Variants in THAP9 observed in about 807,000 individuals in gnomAD.
THAP9 encodes THAP domain containing 9.
Under a neutral mutation model 35.7 loss-of-function variants are expected in THAP9, and 20 were observed. The ratio of observed to expected loss-of-function variants is 0.56; its 90% CI spans 0.39 to 0.81. The LOEUF is 0.81. THAP9 is among the 40% of genes least tolerant of loss of function. The pLI is 0.00. For missense variants in THAP9, 870 were observed against 1,047.4 expected, an observed-to-expected ratio of 0.83 and a Z score of 2.34; for synonymous variants, 335 against 373.7, an observed-to-expected ratio of 0.90 and a Z score of 1.19.
chr4:82,913,127 G>T (rs1720921920), intron 4 of THAP9: 1 of 151,962 alleles, frequency 6.6e-6, no homozygotes, highest in Non-Finnish European at 1.5e-5. Flanking sequence ...AGATTTAAAG[G>T]AGAAATTGTC....
intron 1 of THAP9, 26 bp from the exon 2 acceptor site, chr4:82,904,710 A>C: frequency 6.2e-7 from 1 of 1,608,020 alleles, no homozygotes; most frequent in Non-Finnish European, 8.5e-7. Context: ...TTTCATGTTA[A>C]TGGAACTTTA....
chr4:82,907,999 A>G (rs1164827322), intron 4 of THAP9, 64 bp downstream of exon 4: 1 of 1,469,044 alleles, frequency 6.8e-7, no homozygotes, highest in Non-Finnish European at 9.4e-7. Context: ...TGTTGATTGC[A>G]TGTTAATTAC....
chr4:82,917,309 TCA>T lies in THAP9; in HGVS notation c.1100_1101del (p.Thr367SerfsTer7). The T allele has an allele frequency of 6.2e-7, 1 of 1,613,980 alleles. No individual in the cohort carries two copies. Among genetic ancestry groups the T allele is most frequent in the Admixed American group, 1.7e-5 (1 of 60,012 alleles). On this transcript the variant is annotated frameshift_variant, in exon 5 of 5. Transcript: ENST00000302236. LOFTEE classifies it high-confidence loss of function. ...ATTGGTAAACTGAGTGACATAGGAA[TCA>T]CAGTTCTGGCTGTTACATCTGATGC...
At chr4:82,913,103 T>C (rs1219492265) in intron 4 of THAP9, 1 of 152,192 alleles carries the variant, frequency 6.6e-6, no homozygotes, top group East Asian at 1.9e-4. Context: ...TTTTTTATTT[T>C]CAGAGACGAA....
intron 4 of THAP9, among the ~76,000 whole-genome samples, chr4:82,911,475 T>A (rs1046895324): frequency 3.3e-5 from 5 of 151,940 alleles, no homozygotes; most frequent in African/African-American, 4.8e-5. Flanking sequence ...GCACCTGTAG[T>A]CCCAGCTACT....
rs768669579 is a variant in THAP9, at chr4:82,906,384, C to G, written c.337C>G (p.Pro113Ala). ...ARQKILKQPL[P>A]DNSQEVATED... ...ACAAAAAATCCTAAAACAACCTCTTCCAGACAATTCTCAAGAAGTTGCTAC... is the reference window on the plus strand; with the variant it reads ...ACAAAAAATCCTAAAACAACCTCTTGCAGACAATTCTCAAGAAGTTGCTAC... The change falls in exon 3 of 5, where the codon CCA becomes GCA. Residue 113 changes from proline (P) to alanine (A), a missense_variant. Physicochemically the swap from Pro to Ala is conservative, Grantham distance 27. Transcript: ENST00000302236. 6.2e-7 allele frequency: 1 copy of G among 1,613,140 alleles called. No homozygotes were observed. Among genetic ancestry groups the G allele is most frequent in the Admixed American group, 1.7e-5 (1 of 59,978 alleles).
chr4:82,916,799 T>C, intron 4 of THAP9, 145 bp from the exon 5 acceptor site: 1 of 503,354 alleles, frequency 2.0e-6, no homozygotes, highest in East Asian at 3.3e-5. Flanking sequence ...GAATTTACCA[T>C]TGAAAATATC....
At chr4:82,910,771 G>A in intron 4 of THAP9, 1 of 456,764 alleles carries the variant, frequency 2.2e-6, no homozygotes, top group Admixed American at 2.4e-5. Flanking sequence ...GTATTTCAAG[G>A]AGGGAGTAGT....
At chr4:82,904,226 G>C (rs566795037) in intron 1 of THAP9, among the ~76,000 whole-genome samples, 1 of 152,046 alleles carries the variant, frequency 6.6e-6, no homozygotes, top group African/African-American at 2.4e-5. Flanking sequence ...ACCACGTCCG[G>C]CTAATTTTTT....
Position 82,906,386 on chromosome 4 carries a change from A to G in THAP9, c.339A>G (p.Pro113=). 6.2e-7 allele frequency: 1 copy of G among 1,613,332 alleles called. No homozygotes were observed. Among genetic ancestry groups the G allele is most frequent in the Non-Finnish European group, 8.5e-7 (1 of 1,179,446 alleles). Residue 113 remains proline, a synonymous_variant, in exon 3 of 5, where the codon CCA becomes CCG. Coordinates refer to ENST00000302236, the MANE Select transcript of THAP9 (RefSeq NM_024672.6). The part of the protein sequence containing the change: ...ARQKILKQPL[P]DNSQEVATED... ...AAAAAATCCTAAAACAACCTCTTCCAGACAATTCTCAAGAAGTTGCTACTG... is the reference window on the plus strand; with the variant it reads ...AAAAAATCCTAAAACAACCTCTTCCGGACAATTCTCAAGAAGTTGCTACTG...
Position 82,918,304 on chromosome 4 carries a change from CATT to C in THAP9, c.2093_2095del (p.His698_Cys699delinsArg), listed in dbSNP as rs1356755027. ...AGAGGGTATTTGTCAAGACTGGTCT[CATT>C]GTTCACTAAGTGAGGCATTACTAGA... On this transcript the variant is annotated inframe_deletion, in exon 5 of 5. Coordinates refer to ENST00000302236, the MANE Select transcript of THAP9 (RefSeq NM_024672.6). 5.6e-6 allele frequency: 9 copies of C among 1,614,074 alleles called. No homozygotes were observed. The highest frequency in any genetic ancestry group is 1.1e-5 in the South Asian group (1 of 91,082).
At chr4:82,905,543 G>GAC (rs1720613559) in intron 2 of THAP9, among the ~76,000 whole-genome samples, 1 of 151,288 alleles carries the variant, frequency 6.6e-6, no homozygotes, top group Non-Finnish European at 1.5e-5. Flanking sequence ...TTAATCGTCA[G>GAC]TCTCCTTCTT....
rs1417791510 is a variant in THAP9, at chr4:82,919,280, T to C, written c.*356T>C. The C allele has an allele frequency of 6.2e-6, 1 of 161,520 alleles. No individual in the cohort carries two copies. Among genetic ancestry groups the C allele is most frequent in the East Asian group, 1.8e-4 (1 of 5,604 alleles). 10.0% of individuals were successfully genotyped at this position (161,520 alleles called of 1,614,324 possible). On this transcript the variant is annotated 3_prime_UTR_variant, in exon 5 of 5. Coordinates refer to ENST00000302236, the MANE Select transcript of THAP9 (RefSeq NM_024672.6). ...ACAACAACTATGAGTTATCAAAATATTGACTCCATTTATGACTAGACTACA... is the reference window on the plus strand; with the variant it reads ...ACAACAACTATGAGTTATCAAAATACTGACTCCATTTATGACTAGACTACA...
intron 1 of THAP9, among the ~76,000 whole-genome samples, chr4:82,902,133 G>A (rs1720435887): frequency 8.7e-6 from 1 of 114,344 alleles, no homozygotes; most frequent in South Asian, 2.7e-4. Flanking sequence ...TTTGGAGACG[G>A]GGTCTCACTT....
chr4:82,917,560 C>T lies in THAP9; in HGVS notation c.1348C>T (p.Leu450=). ...HWQHLVELVA[L]EEQELSNMER... is the part of the protein sequence containing the mutation. ...GCAGCACCTCGTGGAGTTAGTAGCA[C>T]TGGAGGAACAGGAATTATCAAATAT... Residue 450 remains leucine, a synonymous_variant, in exon 5 of 5, where the codon CTG becomes TTG. Transcript: ENST00000302236. 1 of 1,613,988 alleles carries T rather than the reference C, an allele frequency of 6.2e-7. No homozygotes were observed. The highest frequency in any genetic ancestry group is 8.5e-7 in the Non-Finnish European group (1 of 1,179,910).
chr4:82,918,098 C>T lies in THAP9; in HGVS notation c.1886C>T (p.Pro629Leu). 6.2e-7 allele frequency: 1 copy of T among 1,613,992 alleles called. No homozygotes were observed. The highest frequency in any genetic ancestry group is 8.5e-7 in the Non-Finnish European group (1 of 1,180,002). ...LRQVLVTSSS[P>L]TCMAFQKAYY... is the part of the protein sequence containing the mutation. ...CAGGTATTAGTAACAAGTTCTAGCC[C>T]TACCTGCATGGCATTCCAGAAAGCT... Residue 629 changes from proline (P) to leucine (L), a missense_variant, in exon 5 of 5, where the codon CCT (proline) becomes CTT (leucine). Physicochemically the swap from Pro to Leu is moderately conservative, Grantham distance 98. Coordinates refer to ENST00000302236, the MANE Select transcript of THAP9 (RefSeq NM_024672.6).
intron 3 of THAP9, among the ~76,000 whole-genome samples, chr4:82,907,371 T>C (rs1720688435): frequency 1.3e-5 from 2 of 151,966 alleles, no homozygotes; most frequent in South Asian, 4.1e-4. Context: ...TTTCTCTTGA[T>C]ATTAGGCAAG....
rs150549646 is a variant in THAP9 at position 82,906,446 on chromosome 4, G to C, written c.399G>C (p.Thr133=). The C allele has an allele frequency of 1.2e-6, 2 of 1,613,790 alleles. No homozygotes were observed. Among genetic ancestry groups the C allele is most frequent in the Non-Finnish European group, 1.7e-6 (2 of 1,179,782 alleles). ...DHNYSLKTPL[T]IGAEKLAEVQ... ...ACTATAGTTTAAAGACACCTTTGAC[G>C]ATAGGTGCAGAGAAACTGGCTGAGG... Residue 133 remains threonine, a synonymous_variant, in exon 3 of 5, where the codon ACG becomes ACC. Transcript: ENST00000302236.
chr4:82,918,327 A>T lies in THAP9; in HGVS notation c.2115A>T (p.Leu705Phe). Residue 705 changes from leucine to phenylalanine, a missense_variant, in exon 5 of 5, where the codon TTA (leucine) becomes TTT (phenylalanine). By Grantham distance (22) the Leu-to-Phe change is conservative. Coordinates refer to ENST00000302236, the MANE Select transcript of THAP9 (RefSeq NM_024672.6). ...CTCATTGTTCACTAAGTGAGGCATT[A>T]CTAGACCTGTCAGATCATAGGCGAA... ...DWSHCSLSEA[L>F]LDLSDHRRNL... The T allele has an allele frequency of 6.2e-7, 1 of 1,614,200 alleles. No individual in the cohort carries two copies. The highest frequency in any genetic ancestry group is 8.5e-7 in the Non-Finnish European group (1 of 1,180,018).
Sources: gnomAD v4.1 joint callset for allele counts (sites outside exome capture counted in the v4.1 genomes callset) on GRCh38, gnomAD v4.1.1 for gene constraint, MANE v1.5 for transcripts, NCBI Gene and HGNC (gene_info 2026-07-23, HGNC 2026-07-21) for gene names.